MBNL2: variants seen among roughly 807,000 people sequenced by gnomAD.
The protein encoded by MBNL2 is muscleblind like splicing regulator 2, also known as muscleblind-like protein 2.
MBNL2 carries 17 observed loss-of-function variants against 41.9 expected under a neutral mutation model. The ratio of observed to expected loss-of-function variants is 0.41; its 90% CI spans 0.28 to 0.61. MBNL2 has a LOEUF of 0.61. MBNL2 is among the 20% of genes least tolerant of loss of function. MBNL2 has a pLI of 0.35. For synonymous variants in MBNL2, 195 were observed against 182.9 expected (o/e 1.07, Z -0.53); for missense variants, 336 against 505.6 (o/e 0.66, Z 3.22).
chr13:97,376,866 A>G (rs2065008741), intron 8 of MBNL2, among the ~76,000 whole-genome samples: 1 of 152,244 alleles, frequency 6.6e-6, no homozygotes, highest in Non-Finnish European at 1.5e-5. Flanking sequence ...AAATTGGAAT[A>G]GGAGCCCAGA....
At chr13:97,193,783 G>A in the MBNL2 span, among the ~76,000 whole-genome samples, 1 of 152,140 alleles carries the variant, frequency 6.6e-6, no homozygotes, top group Non-Finnish European at 1.5e-5. Flanking sequence ...GGTAGCCAGA[G>A]TCAGGCCATG....
chr13:97,292,059 G>A (rs984017587), intron 2 of MBNL2, among the ~76,000 whole-genome samples: 5 of 151,406 alleles, frequency 3.3e-5, no homozygotes, highest in Non-Finnish European at 4.4e-5. Context: ...AAACTAGCCG[G>A]GTGTGATGGC....
the MBNL2 span, among the ~76,000 whole-genome samples, chr13:97,160,301 G>A: frequency 7.2e-5 from 11 of 152,086 alleles, no homozygotes; most frequent in Non-Finnish European, 1.3e-4. Flanking sequence ...TGGCTGCTCT[G>A]TGCTTTCTGC....
At chr13:97,176,815 A>C in the MBNL2 span, among the ~76,000 whole-genome samples, 1 of 152,174 alleles carries the variant, frequency 6.6e-6, no homozygotes, top group Non-Finnish European at 1.5e-5. Context: ...ACTTTGTAGG[A>C]GAATTCCCCT....
intron 7 of MBNL2, among the ~76,000 whole-genome samples, chr13:97,358,443 C>T (rs1180346628): frequency 6.6e-6 from 1 of 151,946 alleles, no homozygotes; most frequent in Non-Finnish European, 1.5e-5. Context: ...ATACACATTC[C>T]ACAGAGTTCT....
At chr13:97,383,714 T>C (rs903681700) in intron 8 of MBNL2, among the ~76,000 whole-genome samples, 3 of 152,132 alleles carry the variant, frequency 2.0e-5, no homozygotes, top group African/African-American at 7.2e-5. Flanking sequence ...ATTGTCATAT[T>C]TGATAATTTT....
In MBNL2 at chr13:97,276,122, A is replaced by T. The variant is rs1159273991; in HGVS notation, c.-114A>T. ...ATTGGACTTCACTAAGCAATTTATCACTCACCTTCAGACTTACATGTGGGA... is the reference window on the plus strand; with the variant it reads ...ATTGGACTTCACTAAGCAATTTATCTCTCACCTTCAGACTTACATGTGGGA... On this transcript the variant is annotated 5_prime_UTR_variant, in exon 2 of 9. Coordinates refer to ENST00000679496, the MANE Select transcript of MBNL2 (RefSeq NM_001382683.1). 5 of 764,260 alleles carry T rather than the reference A, an allele frequency of 6.5e-6. No homozygotes were observed. Among genetic ancestry groups the T allele is most frequent in the African/African-American group, 1.8e-5 (1 of 57,086 alleles). The allele number at this position is 764,260 out of a possible 1,614,324, so 47.3% of individuals were successfully genotyped here.
At chr13:97,157,888 A>C in the MBNL2 span, among the ~76,000 whole-genome samples, 1 of 151,768 alleles carries the variant, frequency 6.6e-6, no homozygotes, top group Non-Finnish European at 1.5e-5. Flanking sequence ...CGGATTTGGT[A>C]TCAGAATGAT....
chr13:97,210,773 C>T, the MBNL2 span, among the ~76,000 whole-genome samples: 1 of 151,736 alleles, frequency 6.6e-6, no homozygotes, highest in African/African-American at 2.4e-5. Context: ...TGGTCTTAAA[C>T]TTCTGGCCGC....
rs554546365 is a variant in MBNL2, at chr13:97,366,169, T to A, written c.1048+998T>A. Among the ~76,000 whole-genome samples, 1 of 152,242 alleles carries A rather than the reference T, an allele frequency of 6.6e-6. No individual in the cohort carries two copies. The highest frequency in any genetic ancestry group is 2.4e-5 in the African/African-American group (1 of 41,456). On this transcript the variant is annotated intron_variant, in intron 8 of 8. Coordinates refer to ENST00000679496, the MANE Select transcript of MBNL2 (RefSeq NM_001382683.1). This position sits in a 1 kb window ranked among gnomAD's most constrained non-coding sequence, Gnocchi z 4.7. ...ATACACTGAATTGGGAATGGATCTA[T>A]TGTTAGAAATAAAATGTTTATAAAT...
chr13:97,153,307 G>A, the MBNL2 span, among the ~76,000 whole-genome samples: 22 of 151,752 alleles, frequency 1.4e-4, no homozygotes, highest in Non-Finnish European at 2.6e-4. Context: ...ACGTGTGTTT[G>A]AGCGTGTGTG....
chr13:97,183,010 A>G, the MBNL2 span, among the ~76,000 whole-genome samples: 1 of 152,220 alleles, frequency 6.6e-6, no homozygotes, highest in Non-Finnish European at 1.5e-5. Flanking sequence ...CTTCATTACT[A>G]CAGAAGGAAA....
chr13:97,383,575 G>T (rs142373415), intron 8 of MBNL2, among the ~76,000 whole-genome samples: 390 of 152,284 alleles, frequency 2.6e-3, no homozygotes, highest in African/African-American at 9.2e-3. Context: ...GGGAATTAGA[G>T]CTTTGAATAT....
At chr13:97,203,870 G>A in the MBNL2 span, among the ~76,000 whole-genome samples, 1 of 134,972 alleles carries the variant, frequency 7.4e-6, no homozygotes, top group East Asian at 2.1e-4. Context: ...TGAATGATAA[G>A]TGAATGGATG....
chr13:97,339,365 C>T (rs2061233589), intron 3 of MBNL2, among the ~76,000 whole-genome samples: 1 of 151,764 alleles, frequency 6.6e-6, no homozygotes, highest in Admixed American at 6.6e-5. Flanking sequence ...GAGAGGAACA[C>T]GGGAAGGTGG....
At chr13:97,390,714 A>G (rs941025505) in intron 8 of MBNL2, among the ~76,000 whole-genome samples, 5 of 152,170 alleles carry the variant, frequency 3.3e-5, no homozygotes, top group Non-Finnish European at 7.4e-5. Context: ...AGAACTTTTT[A>G]ACTGCCTTAA....
intron 2 of MBNL2, among the ~76,000 whole-genome samples, chr13:97,297,246 T>C (rs572483610): frequency 6.6e-6 from 1 of 152,232 alleles, no homozygotes; most frequent in Admixed American, 6.5e-5. Flanking sequence ...GTCTTTGACA[T>C]AGAGGGTTCA....
chr13:97,277,646 T>C (rs1046056430), intron 2 of MBNL2, among the ~76,000 whole-genome samples: 2 of 152,208 alleles, frequency 1.3e-5, no homozygotes, highest in Non-Finnish European at 2.9e-5. Context: ...GTCAATACAC[T>C]CAAAGCAGGA....
chr13:97,320,932 C>T (rs1702268832), intron 2 of MBNL2, among the ~76,000 whole-genome samples: 1 of 152,004 alleles, frequency 6.6e-6, no homozygotes, highest in Non-Finnish European at 1.5e-5. Context: ...AAAAGATAGC[C>T]ATATTTTCCC....
Sources: gnomAD v4.1 joint callset for allele counts (sites outside exome capture counted in the v4.1 genomes callset) on GRCh38, gnomAD v4.1.1 for gene constraint, Gnocchi (gnomAD v3.1) non-coding constraint, MANE v1.5 for transcripts, NCBI Gene and HGNC (gene_info 2026-07-23, HGNC 2026-07-21) for gene names.